The following RERE variants were observed in gnomAD, a reference collection of about 807,000 sequenced individuals.
RERE encodes the protein arginine-glutamic acid dipeptide repeats protein.
RERE carries 40 observed loss-of-function variants against 146.1 expected under a neutral mutation model. The ratio of observed to expected loss-of-function variants is 0.27; its 90% CI spans 0.21 to 0.36. The LOEUF (loss-of-function observed/expected upper bound fraction) is 0.36. RERE is among the 10% of genes least tolerant of loss of function. The pLI is 1.00. For synonymous variants in RERE, 1,003 were observed against 866.0 expected (o/e 1.16, Z -2.78); for missense variants, 1,933 against 2,138.7 (o/e 0.90, Z 1.90).
chr1:8,573,960 C>T (rs1248704022), intron 4 of RERE, among the ~76,000 whole-genome samples: 1 of 152,066 alleles, frequency 6.6e-6, no homozygotes, highest in East Asian at 1.9e-4. Flanking sequence ...CAAATGCCAC[C>T]ACGCCCAGCT....
intron 21 of RERE, 91 bp from the exon 22 acceptor site, chr1:8,355,690 C>T (rs951822874): frequency 1.7e-6 from 2 of 1,154,784 alleles, no homozygotes; most frequent in Admixed American, 2.8e-5. Context: ...GCAAAGAGCA[C>T]AGGAGAGGTG....
chr1:8,604,606 G>A (rs188342113), intron 4 of RERE, among the ~76,000 whole-genome samples: 34 of 88,118 alleles, frequency 3.9e-4, no homozygotes, highest in African/African-American at 1.7e-3. Context: ...GGAAGGGAGG[G>A]AGGGAGGGAG....
intron 1 of RERE, among the ~76,000 whole-genome samples, chr1:8,719,424 C>T (rs74050276): frequency 0.026 from 3,949 of 152,170 alleles, 159 homozygotes; most frequent in African/African-American, 0.089. Flanking sequence ...TATTAAATAT[C>T]CAAAAGGATC....
rs904740045 is a variant in RERE, at chr1:8,356,884, C to T, written c.4340-638G>A. Reference sequence around the variant, plus strand: ...GGGATTTCAGGGTTGCCACCTCCAGCCATGCTGCCCTGGGGTCCCTGGAAG... The same window carrying T: ...GGGATTTCAGGGTTGCCACCTCCAGTCATGCTGCCCTGGGGTCCCTGGAAG... On this transcript the variant is annotated intron_variant, in intron 20 of 22. Transcript: ENST00000400908. This position sits in a 1 kb window ranked among gnomAD's most constrained non-coding sequence, Gnocchi z 5.2. Among the ~76,000 whole-genome samples, 1 of 152,214 alleles carries T rather than the reference C, an allele frequency of 6.6e-6. No homozygotes were observed. Among genetic ancestry groups the T allele is most frequent in the Non-Finnish European group, 1.5e-5 (1 of 68,030 alleles).
At chr1:8,605,155 C>T (rs984855080) in intron 4 of RERE, among the ~76,000 whole-genome samples, 1 of 152,004 alleles carries the variant, frequency 6.6e-6, no homozygotes, top group East Asian at 1.9e-4. Context: ...TTTTTTCCCG[C>T]AAGACGGAGT....
chr1:8,472,094 G>A (rs1225846596), intron 10 of RERE, among the ~76,000 whole-genome samples: 1 of 152,228 alleles, frequency 6.6e-6, no homozygotes, highest in Admixed American at 6.5e-5. Flanking sequence ...TTACAGGCAT[G>A]AGTCACTGCA....
intron 1 of RERE, among the ~76,000 whole-genome samples, chr1:8,682,524 C>G (rs543367774): frequency 2.0e-5 from 3 of 152,140 alleles, no homozygotes; most frequent in Non-Finnish European, 4.4e-5. Context: ...TAAACTTTCT[C>G]AAAATGATTG....
chr1:8,774,017 T>C (rs560130868), intron 1 of RERE, among the ~76,000 whole-genome samples: 1 of 152,176 alleles, frequency 6.6e-6, no homozygotes, highest in African/African-American at 2.4e-5. Context: ...CTCAACAGGA[T>C]CCTATCATAA....
chr1:8,775,455 G>A (rs1034538472), intron 1 of RERE, among the ~76,000 whole-genome samples: 7 of 152,120 alleles, frequency 4.6e-5, no homozygotes, highest in Non-Finnish European at 7.4e-5. Context: ...GTGGTGGCAC[G>A]CACCTGTAGT....
intron 1 of RERE, among the ~76,000 whole-genome samples, chr1:8,666,104 C>T (rs985830594): frequency 6.6e-6 from 1 of 152,034 alleles, no homozygotes; most frequent in African/African-American, 2.4e-5. Flanking sequence ...CCTTAAAAGC[C>T]GAGTTATCCA....
chr1:8,599,182 T>C (rs545596725), intron 4 of RERE, among the ~76,000 whole-genome samples: 1 of 152,328 alleles, frequency 6.6e-6, no homozygotes, highest in Non-Finnish European at 1.5e-5. Context: ...CAGTGACCAT[T>C]TCTTTTGGTC....
At chr1:8,367,678 AT>A (rs1641867188) in intron 12 of RERE, among the ~76,000 whole-genome samples, 1 of 152,180 alleles carries the variant, frequency 6.6e-6, no homozygotes, top group Non-Finnish European at 1.5e-5. Context: ...TAACTGAATG[AT>A]AAGGAGAAAT....
chr1:8,546,555 G>A (rs1645864899), intron 6 of RERE, among the ~76,000 whole-genome samples: 1 of 151,864 alleles, frequency 6.6e-6, no homozygotes, highest in Non-Finnish European at 1.5e-5. Context: ...AGAGTTCAAA[G>A]TATGTCTGTA....
intron 1 of RERE, among the ~76,000 whole-genome samples, chr1:8,680,864 A>G (rs540435750): frequency 1.3e-5 from 2 of 152,296 alleles, no homozygotes; most frequent in South Asian, 2.1e-4. Flanking sequence ...CCCGGGAGAA[A>G]GAGACAGGTA....
At chr1:8,409,659 A>C (rs1643558363) in intron 12 of RERE, among the ~76,000 whole-genome samples, 1 of 152,262 alleles carries the variant, frequency 6.6e-6, no homozygotes, top group South Asian at 2.1e-4. Context: ...GATTTGAAAC[A>C]AAAGCAGCAC....
intron 2 of RERE, among the ~76,000 whole-genome samples, chr1:8,652,740 T>A (rs1647690648): frequency 1.3e-5 from 2 of 152,282 alleles, no homozygotes; most frequent in South Asian, 4.1e-4. Flanking sequence ...ACTGCCCCCA[T>A]GATTCATTTA....
At chr1:8,380,742 G>A (rs1276122767) in intron 12 of RERE, 1 of 419,724 alleles carries the variant, frequency 2.4e-6, no homozygotes, top group East Asian at 7.1e-5. Flanking sequence ...AAGGAGAACA[G>A]AAAGGTAGAG....
intron 1 of RERE, among the ~76,000 whole-genome samples, chr1:8,661,299 G>A (rs962288220): frequency 1.3e-5 from 2 of 152,176 alleles, no homozygotes; most frequent in Non-Finnish European, 2.9e-5. Context: ...CACAAAAAGG[G>A]GGAGAGAGGT....
chr1:8,410,421 G>A (rs1643581953), intron 12 of RERE, among the ~76,000 whole-genome samples: 1 of 152,206 alleles, frequency 6.6e-6, no homozygotes, highest in Non-Finnish European at 1.5e-5. Context: ...CCTCCATGAG[G>A]AAGACGTTAT....
Sources: allele counts gnomAD v4.1 joint callset (sites outside exome capture counted in the v4.1 genomes callset), GRCh38; gene constraint gnomAD v4.1.1; non-coding constraint Gnocchi (gnomAD v3.1); transcripts MANE v1.5; gene names NCBI Gene and HGNC (gene_info 2026-07-23, HGNC 2026-07-21).